SNX18: variants seen among roughly 807,000 people sequenced by gnomAD.
The protein encoded by SNX18 is sorting nexin 18.
SNX18 carries 35 observed loss-of-function variants against 48.7 expected under a neutral mutation model. The observed-to-expected ratio is 0.72, with a 90% CI of 0.55 to 0.95. The LOEUF (loss-of-function observed/expected upper bound fraction) is 0.95. Among genes scored for constraint, SNX18 ranks in the 40% least tolerant of loss-of-function variants. The pLI, the probability that SNX18 is intolerant of heterozygous loss-of-function variation, is 0.00. For missense variants in SNX18, 824 were observed against 871.0 expected (o/e 0.95, Z 0.68); for synonymous variants, 492 against 384.7 (o/e 1.28, Z -3.26).
intron 1 of SNX18, among the ~76,000 whole-genome samples, chr5:54,524,418 A>G (rs1312815185): frequency 5.9e-5 from 9 of 152,148 alleles, no homozygotes; most frequent in South Asian, 2.1e-4. Flanking sequence ...CAGGGAGCCT[A>G]TGAGGTTTCC....
intron 1 of SNX18, among the ~76,000 whole-genome samples, chr5:54,524,693 G>A (rs1358912301): frequency 1.3e-5 from 2 of 152,240 alleles, no homozygotes; most frequent in East Asian, 3.8e-4. Context: ...AAGTGGCAGA[G>A]TAATGCTGAG....
chr5:54,548,203 T>A (rs957291218), downstream of SNX18, among the ~76,000 whole-genome samples: 4 of 152,202 alleles, frequency 2.6e-5, no homozygotes, highest in Non-Finnish European at 5.9e-5. Flanking sequence ...CATTTCAGCT[T>A]CATTGAGTGA....
chr5:54,520,510 G>C (rs1762003745), intron 1 of SNX18: 1 of 166,968 alleles, frequency 6.0e-6, no homozygotes, highest in Non-Finnish European at 1.5e-5. Flanking sequence ...AGGGGCGGCT[G>C]GGCAGGGAAA....
At chr5:54,616,706 T>G in the SNX18 span, among the ~76,000 whole-genome samples, 1 of 151,966 alleles carries the variant, frequency 6.6e-6, no homozygotes, top group Non-Finnish European at 1.5e-5. Flanking sequence ...GAGGCCGATA[T>G]GGCAGTAAGC....
At chr5:54,628,004 G>C in the SNX18 span, among the ~76,000 whole-genome samples, 2 of 152,096 alleles carry the variant, frequency 1.3e-5, no homozygotes, top group Non-Finnish European at 2.9e-5. Context: ...TCATTGCAGC[G>C]AGACCCTATT....
chr5:54,580,519 C>T, the SNX18 span, among the ~76,000 whole-genome samples: 2 of 152,094 alleles, frequency 1.3e-5, no homozygotes, highest in African/African-American at 4.8e-5. Context: ...CTAGGTGAGA[C>T]ATGTATCTTC....
At chr5:54,552,351 G>T in the SNX18 span, among the ~76,000 whole-genome samples, 1 of 152,162 alleles carries the variant, frequency 6.6e-6, no homozygotes. Context: ...GTCTAAAGAG[G>T]CTAAGACCAA....
intron 1 of SNX18, among the ~76,000 whole-genome samples, chr5:54,537,162 T>C (rs1286770806): frequency 1.3e-5 from 2 of 152,240 alleles, no homozygotes; most frequent in Non-Finnish European, 2.9e-5. Context: ...AAACCTTGTC[T>C]CTACAGTTTA....
At chr5:54,558,457 A>T in the SNX18 span, among the ~76,000 whole-genome samples, 1 of 152,168 alleles carries the variant, frequency 6.6e-6, no homozygotes, top group Non-Finnish European at 1.5e-5. Flanking sequence ...GAGCAGTACA[A>T]CCCATGTTGA....
At chr5:54,598,367 C>A in the SNX18 span, among the ~76,000 whole-genome samples, 3 of 152,172 alleles carry the variant, frequency 2.0e-5, no homozygotes, top group Admixed American at 6.5e-5. Context: ...AAAGGAGGGA[C>A]TCCTCCCTAA....
chr5:54,542,393 C>T (rs1762488144), intron 1 of SNX18, among the ~76,000 whole-genome samples: 1 of 152,172 alleles, frequency 6.6e-6, no homozygotes, highest in South Asian at 2.1e-4. Flanking sequence ...TAACACTCAC[C>T]GATCCTTATA....
At chr5:54,641,186 T>G in the SNX18 span, among the ~76,000 whole-genome samples, 1 of 151,986 alleles carries the variant, frequency 6.6e-6, no homozygotes, top group African/African-American at 2.4e-5. Flanking sequence ...TTCACCAGAG[T>G]CAGGCCAGAA....
In SNX18 at chr5:54,543,348, G is replaced by A. The variant is rs761189975; in HGVS notation, c.1791G>A (p.Gln597=). 1.6e-5 allele frequency: 26 copies of A among 1,614,140 alleles called. 1 individual carries two copies. The highest frequency in any genetic ancestry group is 2.2e-5 in the Non-Finnish European group (26 of 1,180,016). ...IRVRDFKSQM[Q]HFLQQQIIFF... is the part of the protein sequence containing the mutation. Reference sequence around the variant, plus strand: ...TGAGAGACTTTAAATCACAGATGCAGCATTTCTTACAACAACAAATAATAT... The same window carrying A: ...TGAGAGACTTTAAATCACAGATGCAACATTTCTTACAACAACAAATAATAT... The change falls in exon 2 of 2, where the codon CAG becomes CAA. Residue 597 remains glutamine (Q), a synonymous_variant. Transcript: ENST00000381410.
At chr5:54,617,795 C>T in the SNX18 span, among the ~76,000 whole-genome samples, 1 of 152,068 alleles carries the variant, frequency 6.6e-6, no homozygotes, top group Non-Finnish European at 1.5e-5. Flanking sequence ...CTCCTGGCTT[C>T]AAGCAATTCC....
intron 1 of SNX18, among the ~76,000 whole-genome samples, chr5:54,540,919 C>T (rs1348977374): frequency 1.3e-5 from 2 of 152,182 alleles, no homozygotes; most frequent in Non-Finnish European, 2.9e-5. Context: ...ATTTCCTATT[C>T]TCTTTATCAT....
At chr5:54,570,433 C>A in the SNX18 span, among the ~76,000 whole-genome samples, 1 of 152,194 alleles carries the variant, frequency 6.6e-6, no homozygotes, top group Non-Finnish European at 1.5e-5. Flanking sequence ...GAGGCAAACA[C>A]GGTTTTCCAT....
At chr5:54,535,024 T>A (rs1280648484) in intron 1 of SNX18, among the ~76,000 whole-genome samples, 2 of 152,216 alleles carry the variant, frequency 1.3e-5, no homozygotes, top group Non-Finnish European at 1.5e-5. Context: ...AATTTATAAA[T>A]GATTTTTAAA....
the SNX18 span, among the ~76,000 whole-genome samples, chr5:54,588,875 C>G: frequency 6.6e-6 from 1 of 152,174 alleles, no homozygotes; most frequent in Non-Finnish European, 1.5e-5. Context: ...GTCAAGGTAT[C>G]ACTGAATTTT....
At chr5:54,566,410 A>G in the SNX18 span, among the ~76,000 whole-genome samples, 1 of 152,200 alleles carries the variant, frequency 6.6e-6, no homozygotes, top group Non-Finnish European at 1.5e-5. Context: ...TAATGATTAA[A>G]TGCCAGCCAG....
Sources: gnomAD v4.1 joint callset for allele counts (sites outside exome capture counted in the v4.1 genomes callset) on GRCh38, gnomAD v4.1.1 for gene constraint, MANE v1.5 for transcripts, NCBI Gene and HGNC (gene_info 2026-07-23, HGNC 2026-07-21) for gene names.